Variants in SLC25A21 observed in about 807,000 individuals in gnomAD.
SLC25A21 encodes the protein mitochondrial 2-oxodicarboxylate carrier.
A neutral mutation model predicts 43.8 loss-of-function variants in SLC25A21; 47 were observed. The ratio of observed to expected loss-of-function variants is 1.07; its 90% CI spans 0.85 to 1.37. The LOEUF is 1.37. SLC25A21 is among the 40% of genes most tolerant of loss of function. The pLI, the probability that SLC25A21 is intolerant of heterozygous loss-of-function variation, is 0.00. For missense variants in SLC25A21, 352 were observed against 350.2 expected (o/e 1.00, Z -0.04); for synonymous variants, 131 against 121.3 (o/e 1.08, Z -0.52).
rs68013942 is a variant in SLC25A21 at position 37,040,440 on chromosome 14, A to AAAGAAAGAAAGAAGG, written c.70+131840_70+131841insCCTTCTTTCTTTCTT. Among the ~76,000 whole-genome samples, 11 of 48,674 alleles carry AAAGAAAGAAAGAAGG rather than the reference A, an allele frequency of 2.3e-4. 2 individuals carry two copies. The African/African-American group carries it at 4.0e-3, about 18-fold the overall frequency. 31.9% of individuals were successfully genotyped at this position (48,674 alleles called of 152,430 possible). Reference sequence around the variant, plus strand: ...GAAAGAAAGAAAGAAAGAAAGAAAGAAAAGAAAAATTAGTTACAGGGTGAG... The same window carrying AAAGAAAGAAAGAAGG: ...GAAAGAAAGAAAGAAAGAAAGAAAGAAAGAAAGAAAGAAGGAAAGAAAAATTAGTTACAGGGTGAG... On this transcript the variant is annotated intron_variant, in intron 1 of 9. Coordinates refer to ENST00000331299, the MANE Select transcript of SLC25A21 (RefSeq NM_030631.4).
chr14:36,888,857 T>G (rs1238270462), intron 1 of SLC25A21, among the ~76,000 whole-genome samples: 1 of 152,206 alleles, frequency 6.6e-6, no homozygotes. Flanking sequence ...ATTGTAATGC[T>G]TTTTCCCCAC....
intron 6 of SLC25A21, among the ~76,000 whole-genome samples, chr14:36,724,680 C>G (rs567521645): frequency 4.6e-5 from 7 of 152,140 alleles, no homozygotes; most frequent in African/African-American, 9.7e-5. Context: ...GCAGCACACA[C>G]CAAGGAATGC....
intron 1 of SLC25A21, among the ~76,000 whole-genome samples, chr14:37,060,925 G>GC (rs1162065483): frequency 2.6e-5 from 4 of 152,076 alleles, no homozygotes; most frequent in African/African-American, 7.2e-5. Context: ...GAACATCCAG[G>GC]GGACGTTCTG....
At chr14:37,037,003 T>G (rs1961341003) in intron 1 of SLC25A21, among the ~76,000 whole-genome samples, 1 of 152,180 alleles carries the variant, frequency 6.6e-6, no homozygotes, top group African/African-American at 2.4e-5. Context: ...TTAGGAAATA[T>G]TTTCTCTTCA....
chr14:36,870,831 T>A (rs1409267166), intron 2 of SLC25A21: 1 of 152,136 alleles, frequency 6.6e-6, no homozygotes, highest in Admixed American at 6.6e-5. Context: ...TGTTCATGCT[T>A]ATAAGGCTTG....
intron 2 of SLC25A21, among the ~76,000 whole-genome samples, chr14:36,830,366 G>A (rs191617935): frequency 2.0e-5 from 3 of 152,256 alleles, no homozygotes; most frequent in East Asian, 1.9e-4. Flanking sequence ...TGCCTCATTC[G>A]CGGAAGTGAG....
In SLC25A21 at chr14:36,680,722, A is replaced by G. The variant is rs1294095299; in HGVS notation, c.839-3T>C. The G allele has an allele frequency of 1.9e-6, 3 of 1,610,644 alleles. No homozygotes were observed. The highest frequency in any genetic ancestry group is 3.4e-5 in the Admixed American group (2 of 59,570). ...AACCAGCAGCATCACTGCACCACCT[A>G]GAAAAGAAAAGAGCTGTTTTTTATT... On this transcript the variant is annotated splice_polypyrimidine_tract_variant and splice_region_variant and intron_variant, in intron 9 of 9. Transcript: ENST00000331299.
chr14:37,041,655 T>C (rs777257228), intron 1 of SLC25A21, among the ~76,000 whole-genome samples: 11 of 152,230 alleles, frequency 7.2e-5, no homozygotes, highest in Non-Finnish European at 1.3e-4. Context: ...TGCCTCTAGT[T>C]GCAAATATAG....
rs1959880508 is a variant in SLC25A21 at position 36,976,692 on chromosome 14, C to G, written c.71-101688G>C. Among the ~76,000 whole-genome samples, 5 of 152,320 alleles carry G rather than the reference C, an allele frequency of 3.3e-5. No individual in the cohort carries two copies. The South Asian group carries it at 1.0e-3, about 32-fold the overall frequency. On this transcript the variant is annotated intron_variant, in intron 1 of 9. Transcript: ENST00000331299. Reference sequence around the variant, plus strand: ...TGATGCAAGCCAGAATTCTTGGAAACTGCTGAGTCACTTGCCAACCACTGG... The same window carrying G: ...TGATGCAAGCCAGAATTCTTGGAAAGTGCTGAGTCACTTGCCAACCACTGG...
rs571635865 is a variant in SLC25A21, at chr14:36,903,607, C to T, written c.71-28603G>A. On this transcript the variant is annotated intron_variant, in intron 1 of 9. Transcript: ENST00000331299. ...CAGCCTGGGTGACAGAGTGAGACTCCGTCTCAGAAAAAAAAAAAAAAAAAA... is the reference window on the plus strand; with the variant it reads ...CAGCCTGGGTGACAGAGTGAGACTCTGTCTCAGAAAAAAAAAAAAAAAAAA... Among the ~76,000 whole-genome samples the T allele has an allele frequency of 3.9e-4, 29 of 73,890 alleles. No homozygotes were observed. The Admixed American group carries it at 5.0e-3, about 13-fold the overall frequency. 48.5% of individuals were successfully genotyped at this position (73,890 alleles called of 152,430 possible). A position where few individuals can be genotyped will look rare whatever the true frequency, so the allele number is the denominator to read the frequency against.
intron 1 of SLC25A21, among the ~76,000 whole-genome samples, chr14:36,892,986 G>A (rs1484900419): frequency 2.0e-5 from 3 of 152,210 alleles, no homozygotes; most frequent in South Asian, 2.1e-4. Context: ...CTTTGCTATC[G>A]TGAATAGTGC....
intron 1 of SLC25A21, among the ~76,000 whole-genome samples, chr14:37,017,127 G>T (rs1960874502): frequency 6.6e-6 from 1 of 151,838 alleles, no homozygotes; most frequent in Non-Finnish European, 1.5e-5. Context: ...TCACAATTTG[G>T]CTAACTGTTT....
Position 37,016,332 on chromosome 14 carries a change from T to C in SLC25A21, c.71-141328A>G, listed in dbSNP as rs560277617. Among the ~76,000 whole-genome samples the C allele has an allele frequency of 1.6e-3, 244 of 152,312 alleles. 1 individual carries two copies. Among genetic ancestry groups the C allele is most frequent in the South Asian group, 9.1e-3 (44 of 4,824 alleles). On this transcript the variant is annotated intron_variant, in intron 1 of 9. Coordinates refer to ENST00000331299, the MANE Select transcript of SLC25A21 (RefSeq NM_030631.4). ...CCCCATTGCTTGTTTTTCTCAGATTTGTCAAAGATCACATAGTTGTAGATA... is the reference window on the plus strand; with the variant it reads ...CCCCATTGCTTGTTTTTCTCAGATTCGTCAAAGATCACATAGTTGTAGATA...
chr14:36,877,440 T>C (rs1890569924), intron 1 of SLC25A21, among the ~76,000 whole-genome samples: 1 of 152,204 alleles, frequency 6.6e-6, no homozygotes, highest in Non-Finnish European at 1.5e-5. Context: ...AAAATTATTT[T>C]CAATCCCCTA....
At chr14:36,924,035 G>A (rs965731599) in intron 1 of SLC25A21, among the ~76,000 whole-genome samples, 1 of 152,094 alleles carries the variant, frequency 6.6e-6, no homozygotes, top group Non-Finnish European at 1.5e-5. Flanking sequence ...TACAGGTGCT[G>A]GAGAGGATGT....
chr14:36,800,089 T>G (rs1887816399), intron 3 of SLC25A21, among the ~76,000 whole-genome samples: 1 of 152,204 alleles, frequency 6.6e-6, no homozygotes, highest in Non-Finnish European at 1.5e-5. Flanking sequence ...ATTTTGTTTT[T>G]GCAGATCTCA....
chr14:37,090,695 T>C (rs1962568474), intron 1 of SLC25A21, among the ~76,000 whole-genome samples: 1 of 152,138 alleles, frequency 6.6e-6, no homozygotes, highest in Non-Finnish European at 1.5e-5. Context: ...AAAAACTGAG[T>C]TCTTTCCTTT....
intron 1 of SLC25A21, among the ~76,000 whole-genome samples, chr14:37,006,339 T>C (rs1437287574): frequency 6.6e-6 from 1 of 152,126 alleles, no homozygotes; most frequent in Non-Finnish European, 1.5e-5. Context: ...AAATAAAAAC[T>C]AGTTTCAGTA....
intron 1 of SLC25A21, among the ~76,000 whole-genome samples, chr14:36,969,856 G>T (rs1329318903): frequency 6.6e-6 from 1 of 151,946 alleles, no homozygotes; most frequent in African/African-American, 2.4e-5. Flanking sequence ...ATGCAAGCAG[G>T]AGGGTTCTGG....
Sources: allele counts gnomAD v4.1 joint callset (sites outside exome capture counted in the v4.1 genomes callset), GRCh38; gene constraint gnomAD v4.1.1; transcripts MANE v1.5; gene names NCBI Gene and HGNC (gene_info 2026-07-23, HGNC 2026-07-21).